The following COL4A4 variants were observed in gnomAD, a reference collection of about 807,000 sequenced individuals.
COL4A4 encodes the protein collagen alpha-4(IV) chain.
In COL4A4, 105 loss-of-function variants were observed where a neutral mutation model predicts 192.9. The ratio of observed to expected loss-of-function variants is 0.54; its 90% CI spans 0.46 to 0.64. The LOEUF is 0.64. Ranked by LOEUF, COL4A4 falls within the 30% of genes least tolerant of loss-of-function variation. The pLI is 0.00. For missense variants in COL4A4, 1,967 were observed against 2,169.3 expected (o/e 0.91, Z 1.85); for synonymous variants, 762 against 769.9 (o/e 0.99, Z 0.17).
chr2:227,108,793 T>C, intron 11 of COL4A4, 40 bp downstream of exon 11: 2 of 1,604,420 alleles, frequency 1.2e-6, no homozygotes, highest in Admixed American at 1.7e-5. Flanking sequence ...CATTTCATTG[T>C]TCAGGGCTCT....
At chr2:227,041,584 T>C (rs1201807736) in intron 37 of COL4A4, among the ~76,000 whole-genome samples, 2 of 147,880 alleles carry the variant, frequency 1.4e-5, no homozygotes, top group Non-Finnish European at 3.0e-5. Flanking sequence ...GAGGTTGCAG[T>C]GAGCTGAGAA....
chr2:227,107,512 T>C (rs902399482), intron 12 of COL4A4, among the ~76,000 whole-genome samples: 2 of 152,222 alleles, frequency 1.3e-5, no homozygotes, highest in Admixed American at 6.5e-5. Flanking sequence ...GAAGTTGTTA[T>C]ATATATTTTT....
intron 1 of COL4A4, among the ~76,000 whole-genome samples, chr2:227,161,421 C>T (rs144922644): frequency 5.5e-4 from 83 of 152,244 alleles, no homozygotes; most frequent in African/African-American, 1.9e-3. Context: ...TTTGAATGTA[C>T]GAAAAGAACC....
chr2:227,051,580 G>A (rs910830890), intron 32 of COL4A4, among the ~76,000 whole-genome samples: 2 of 152,146 alleles, frequency 1.3e-5, no homozygotes, highest in Admixed American at 1.3e-4. Flanking sequence ...CATTAGCATG[G>A]GCATTGGGGT....
intron 4 of COL4A4, among the ~76,000 whole-genome samples, chr2:227,125,057 T>C (rs2062006146): frequency 6.6e-6 from 1 of 152,084 alleles, no homozygotes; most frequent in Non-Finnish European, 1.5e-5. Context: ...ATTTTAGGCA[T>C]GCAATACCAA....
Position 227,144,540 on chromosome 2 carries a change from G to A in COL4A4, c.90C>T (p.Leu30=), listed in dbSNP as rs747805491. ...ATGPWSLILI[L]FSVQYVYGSG... ...CCCCATATACATATTGTACAGAAAA[G>A]AGAATGAGTATAAGTGACCTACAGA... The change falls in exon 3 of 48, where the codon CTC becomes CTT. Residue 30 remains leucine, a synonymous_variant. Coordinates refer to ENST00000396625, the MANE Select transcript of COL4A4 (RefSeq NM_000092.5). 1.5e-5 allele frequency: 24 copies of A among 1,610,204 alleles called. No individual in the cohort carries two copies. The highest frequency in any genetic ancestry group is 3.3e-4 in the Middle Eastern group (2 of 6,054).
chr2:227,110,854 G>A (rs11891247), intron 9 of COL4A4, among the ~76,000 whole-genome samples: 7,025 of 150,892 alleles, frequency 0.047, 551 homozygotes, highest in African/African-American at 0.16. Flanking sequence ...GGCTAATTTC[G>A]TATTTTTAGT....
chr2:227,033,131 T>C (rs1267963180), intron 38 of COL4A4, among the ~76,000 whole-genome samples: 1 of 152,226 alleles, frequency 6.6e-6, no homozygotes, highest in East Asian at 1.9e-4. Context: ...CTGGCTCAAT[T>C]GTTCAGAGTA....
chr2:227,037,827 T>C (rs1969993804), intron 37 of COL4A4, among the ~76,000 whole-genome samples: 1 of 152,238 alleles, frequency 6.6e-6, no homozygotes, highest in Admixed American at 6.5e-5. Context: ...TTTGCATTTC[T>C]CTAATGACCA....
Position 227,033,467 on chromosome 2 carries a change from G to A in COL4A4, c.3520C>T (p.Pro1174Ser), listed in dbSNP as rs1304413396. The change falls in exon 38 of 48, where the codon CCT becomes TCT. Residue 1174 changes from proline to serine, a missense_variant. Coordinates refer to ENST00000396625, the MANE Select transcript of COL4A4 (RefSeq NM_000092.5). ...AATCCATGCAAGCCGTTCAGGCCAG[G>A]TGATCCGGAGGGACCTGAAAAACAC... ...PPGIKGPSGS[P>S]GLNGLHGLKG... 6.2e-7 allele frequency: 1 copy of A among 1,613,218 alleles called. No individual in the cohort carries two copies. Among genetic ancestry groups the A allele is most frequent in the Admixed American group, 1.7e-5 (1 of 59,988 alleles).
the COL4A4 span, among the ~76,000 whole-genome samples, chr2:226,976,360 C>T: frequency 6.6e-6 from 1 of 150,858 alleles, no homozygotes; most frequent in Non-Finnish European, 1.5e-5. Context: ...AAGTCCAAGT[C>T]GAGACGTCTG....
intron 9 of COL4A4, among the ~76,000 whole-genome samples, chr2:227,110,277 C>A (rs1319566699): frequency 6.6e-6 from 1 of 152,116 alleles, no homozygotes; most frequent in East Asian, 1.9e-4. Flanking sequence ...ATTTTAACAG[C>A]AACATTGAGG....
chr2:227,111,773 G>A lies in COL4A4; in HGVS notation c.559-60C>T, dbSNP rs1463123884. On this transcript the variant is annotated intron_variant, in intron 8 of 47. Transcript: ENST00000396625. ...ACAATGTTCCTAAAACAGAGATTAT[G>A]TAAAAATAGAAATATACACAAAATT... 6.5e-6 allele frequency: 10 copies of A among 1,541,966 alleles called. No homozygotes were observed. The Admixed American group carries it at 8.4e-5, about 13-fold the overall frequency.
At chr2:227,056,410 G>A (rs1236083879) in intron 29 of COL4A4, among the ~76,000 whole-genome samples, 1 of 152,150 alleles carries the variant, frequency 6.6e-6, no homozygotes, top group African/African-American at 2.4e-5. Flanking sequence ...ATTTCCTCTT[G>A]GTGGAGGGAA....
chr2:227,121,577 G>GAA (rs34830245), intron 4 of COL4A4, among the ~76,000 whole-genome samples: 47,613 of 139,616 alleles, frequency 0.34, 9,215 homozygotes, highest in Non-Finnish European at 0.42. Context: ...AAAAAAAAAA[G>GAA]AAAAGAAAAG....
intron 1 of COL4A4, among the ~76,000 whole-genome samples, chr2:227,158,096 A>G (rs1015506860): frequency 1.3e-5 from 2 of 152,160 alleles, no homozygotes. Flanking sequence ...AAGTTGAAGG[A>G]CTTACACTAG....
chr2:226,984,422 C>G, the COL4A4 span, among the ~76,000 whole-genome samples: 3 of 152,208 alleles, frequency 2.0e-5, no homozygotes, highest in African/African-American at 7.2e-5. Context: ...AAGCTCTGGC[C>G]TCTTCATTCC....
At chr2:227,143,692 A>G (rs555344840) in intron 3 of COL4A4, among the ~76,000 whole-genome samples, 57 of 152,376 alleles carry the variant, frequency 3.7e-4, no homozygotes, top group African/African-American at 1.2e-3. Context: ...ATACACATGT[A>G]TATATCATAG....
chr2:227,133,865 T>C (rs1256314299), intron 4 of COL4A4, among the ~76,000 whole-genome samples: 3 of 150,132 alleles, frequency 2.0e-5, no homozygotes, highest in Non-Finnish European at 4.4e-5. Flanking sequence ...CACTCCAGCC[T>C]GAATGAGAGA....
Sources: gnomAD v4.1 joint callset for allele counts (sites outside exome capture counted in the v4.1 genomes callset) on GRCh38, gnomAD v4.1.1 for gene constraint, MANE v1.5 for transcripts, NCBI Gene and HGNC (gene_info 2026-07-23, HGNC 2026-07-21) for gene names.